The following CRPPA variants were observed in gnomAD, a reference collection of about 807,000 sequenced individuals.
CRPPA encodes the protein CDP-L-ribitol pyrophosphorylase A, also known as D-ribitol-5-phosphate cytidylyltransferase.
In CRPPA, 43 loss-of-function variants were observed where a neutral mutation model predicts 52.0. The observed-to-expected ratio is 0.83, with a 90% confidence interval of 0.65 to 1.07. The LOEUF is 1.07. Among genes scored for constraint, CRPPA ranks in the 50% least tolerant of loss-of-function variants. The probability of loss-of-function intolerance (pLI) is 0.00; values close to 1 mark genes in which losing one functional copy is unlikely to be tolerated. For missense variants in CRPPA, 629 were observed against 551.7 expected (o/e 1.14, Z -1.40); for synonymous variants, 250 against 203.5 (o/e 1.23, Z -1.94).
At chr7:16,289,782 C>T (rs1195480335) in intron 5 of CRPPA, among the ~76,000 whole-genome samples, 2 of 152,130 alleles carry the variant, frequency 1.3e-5, no homozygotes, top group African/African-American at 2.4e-5. Flanking sequence ...AGGATGCCCA[C>T]TTTCTCTACT....
intron 9 of CRPPA, among the ~76,000 whole-genome samples, chr7:16,179,722 G>C (rs1460558177): frequency 2.0e-5 from 3 of 151,982 alleles, no homozygotes; most frequent in Non-Finnish European, 4.4e-5. Flanking sequence ...GAAGCCACTG[G>C]GTTTGTGGCA....
At chr7:16,199,559 C>G (rs549978909) in intron 9 of CRPPA, among the ~76,000 whole-genome samples, 1 of 152,204 alleles carries the variant, frequency 6.6e-6, no homozygotes, top group South Asian at 2.1e-4. Flanking sequence ...AAAAAATTAA[C>G]CCCACAGTCA....
intron 1 of CRPPA, among the ~76,000 whole-genome samples, chr7:16,413,458 C>T (rs912450666): frequency 6.6e-6 from 1 of 152,162 alleles, no homozygotes; most frequent in African/African-American, 2.4e-5. Context: ...TTCATCTAAC[C>T]ACACAACTAA....
intron 9 of CRPPA, among the ~76,000 whole-genome samples, chr7:16,142,868 T>C (rs987228442): frequency 6.6e-6 from 1 of 152,186 alleles, no homozygotes; most frequent in Non-Finnish European, 1.5e-5. Context: ...ACTTTCTTCA[T>C]GTCCAAATAA....
intron 8 of CRPPA, among the ~76,000 whole-genome samples, chr7:16,239,581 A>C (rs1029013113): frequency 6.6e-6 from 1 of 150,490 alleles, no homozygotes; most frequent in Non-Finnish European, 1.5e-5. Context: ...AAAAAAAAAA[A>C]AAACTAGTGA....
intron 8 of CRPPA, among the ~76,000 whole-genome samples, chr7:16,229,212 T>C (rs1782728529): frequency 6.6e-6 from 1 of 152,012 alleles, no homozygotes; most frequent in South Asian, 2.1e-4. Context: ...AGCATATTGT[T>C]GGATTTTTAA....
chr7:16,257,142 T>C (rs1783665460), intron 8 of CRPPA, among the ~76,000 whole-genome samples: 1 of 152,140 alleles, frequency 6.6e-6, no homozygotes, highest in African/African-American at 2.4e-5. Flanking sequence ...GCCTTGTTTC[T>C]ACGTCGAGGA....
intron 9 of CRPPA, among the ~76,000 whole-genome samples, chr7:16,183,438 G>C (rs1289219263): frequency 1.3e-5 from 2 of 152,206 alleles, no homozygotes; most frequent in Non-Finnish European, 2.9e-5. Flanking sequence ...TTTTGTCAGA[G>C]ATGGAAAGCC....
chr7:16,392,934 T>C (rs1787481312), intron 2 of CRPPA, among the ~76,000 whole-genome samples: 1 of 152,164 alleles, frequency 6.6e-6, no homozygotes, highest in African/African-American at 2.4e-5. Flanking sequence ...AGTATTCTTG[T>C]ACTTCTTTAA....
intron 9 of CRPPA, among the ~76,000 whole-genome samples, chr7:16,123,237 C>T (rs914496710): frequency 2.0e-5 from 3 of 152,042 alleles, no homozygotes; most frequent in African/African-American, 7.2e-5. Flanking sequence ...CTTATAAGTG[C>T]TCATTTTTCT....
chr7:16,255,731 G>T (rs553316662), intron 8 of CRPPA, among the ~76,000 whole-genome samples: 40 of 152,276 alleles, frequency 2.6e-4, no homozygotes, highest in Non-Finnish European at 5.4e-4. Flanking sequence ...GGGAAAACTG[G>T]CTAGCCATAA....
intron 9 of CRPPA, among the ~76,000 whole-genome samples, chr7:16,102,046 A>C (rs1471764317): frequency 6.6e-6 from 1 of 152,168 alleles, no homozygotes; most frequent in Non-Finnish European, 1.5e-5. Context: ...ATGGTACCTG[A>C]CTTTAAACTA....
chr7:16,114,616 C>T (rs1181714848), intron 9 of CRPPA, among the ~76,000 whole-genome samples: 1 of 151,702 alleles, frequency 6.6e-6, no homozygotes, highest in African/African-American at 2.4e-5. Flanking sequence ...TAAAATTATG[C>T]TTGATTTGGC....
At chr7:16,420,928 G>T in intron 1 of CRPPA, 138 bp downstream of exon 1, 1 of 734,644 alleles carries the variant, frequency 1.4e-6, no homozygotes, top group Non-Finnish European at 1.9e-6. Context: ...ATGCGGGAGG[G>T]AACAGAGCTC....
At chr7:16,100,910 CAT>C (rs771695637) in intron 9 of CRPPA, among the ~76,000 whole-genome samples, 17 of 152,250 alleles carry the variant, frequency 1.1e-4, no homozygotes, top group Non-Finnish European at 2.1e-4. Context: ...TTGAGATAAT[CAT>C]GTGGTTTTTG....
intron 6 of CRPPA, among the ~76,000 whole-genome samples, chr7:16,271,069 A>T (rs1488969198): frequency 6.6e-6 from 1 of 151,938 alleles, no homozygotes; most frequent in African/African-American, 2.4e-5. Context: ...TTTACACGTG[A>T]TTTTCAGTTA....
intron 3 of CRPPA, among the ~76,000 whole-genome samples, chr7:16,348,888 T>G (rs4719465): frequency 0.091 from 13,828 of 152,224 alleles, 816 homozygotes; most frequent in East Asian, 0.15. Context: ...CCCAAGGGAC[T>G]GTCTCCTTAA....
chr7:16,294,173 T>A (rs1414088519), intron 5 of CRPPA, among the ~76,000 whole-genome samples: 3 of 151,946 alleles, frequency 2.0e-5, no homozygotes, highest in Non-Finnish European at 4.4e-5. Flanking sequence ...TGGTGACTCA[T>A]GAGGATATTT....
At chr7:16,189,503 G>C (rs1949952) in intron 9 of CRPPA, among the ~76,000 whole-genome samples, 1 of 151,974 alleles carries the variant, frequency 6.6e-6, no homozygotes, top group Non-Finnish European at 1.5e-5. Flanking sequence ...TTGAGCAAGA[G>C]CTACCACATA....
Sources: gnomAD v4.1 joint callset for allele counts (sites outside exome capture counted in the v4.1 genomes callset) on GRCh38, gnomAD v4.1.1 for gene constraint, MANE v1.5 for transcripts, NCBI Gene and HGNC (gene_info 2026-07-23, HGNC 2026-07-21) for gene names.